Variants in ARMC2 observed in about 807,000 individuals in gnomAD.
ARMC2 encodes the protein armadillo repeat-containing protein 2.
In ARMC2, 67 loss-of-function variants were observed where a neutral mutation model predicts 90.3. The observed-to-expected ratio is 0.74, with a 90% confidence interval of 0.61 to 0.91. ARMC2 has a LOEUF of 0.91. ARMC2 is among the 40% of genes least tolerant of loss of function. The pLI, the probability that ARMC2 is intolerant of heterozygous loss-of-function variation, is 0.00. For synonymous variants in ARMC2, 393 were observed against 393.0 expected (o/e 1.00, Z 0.00); for missense variants, 920 against 1,030.9 (o/e 0.89, Z 1.47).
At chr6:109,019,725 TAAC>T in the ARMC2 span, among the ~76,000 whole-genome samples, 1 of 152,240 alleles carries the variant, frequency 6.6e-6, no homozygotes, top group Non-Finnish European at 1.5e-5. Context: ...TTGTTCTTAT[TAAC>T]AAAGATATTA....
chr6:108,889,512 C>T (rs113738308), intron 5 of ARMC2, among the ~76,000 whole-genome samples: 17 of 151,852 alleles, frequency 1.1e-4, no homozygotes, highest in African/African-American at 4.1e-4. Context: ...ACAATCACAG[C>T]TCACTGCAGC....
chr6:108,884,630 G>A (rs1427470254), intron 5 of ARMC2, among the ~76,000 whole-genome samples: 1 of 152,164 alleles, frequency 6.6e-6, no homozygotes, highest in African/African-American at 2.4e-5. Flanking sequence ...AGTGGCAGGA[G>A]GCATCCTGAG....
chr6:109,049,773 AT>A, the ARMC2 span, among the ~76,000 whole-genome samples: 1 of 151,114 alleles, frequency 6.6e-6, no homozygotes, highest in South Asian at 2.1e-4. Context: ...ATATATTTAT[AT>A]GTATTTTTTA....
chr6:108,982,812 CTTTT>C, the ARMC2 span, among the ~76,000 whole-genome samples: 3 of 127,244 alleles, frequency 2.4e-5, no homozygotes, highest in Admixed American at 1.6e-4. Flanking sequence ...TTGGACTTTT[CTTTT>C]TTTTTTTTTT....
At chr6:108,864,434 A>G (rs1775598780) in intron 3 of ARMC2, among the ~76,000 whole-genome samples, 1 of 151,944 alleles carries the variant, frequency 6.6e-6, no homozygotes, top group Non-Finnish European at 1.5e-5. Context: ...TTTTTAGTAG[A>G]GACGGGGTTT....
intron 5 of ARMC2, among the ~76,000 whole-genome samples, chr6:108,888,696 G>A (rs1456537245): frequency 6.6e-6 from 1 of 152,128 alleles, no homozygotes; most frequent in Non-Finnish European, 1.5e-5. Context: ...CTCTATGGCT[G>A]TGTGGAAACC....
the ARMC2 span, among the ~76,000 whole-genome samples, chr6:109,013,707 A>G: frequency 6.6e-6 from 1 of 152,270 alleles, no homozygotes; most frequent in Non-Finnish European, 1.5e-5. Context: ...GGTTTTAGCC[A>G]TTAAACCAAA....
chr6:108,888,671 ACT>A (rs893897761), intron 5 of ARMC2, among the ~76,000 whole-genome samples: 3 of 152,116 alleles, frequency 2.0e-5, no homozygotes, highest in African/African-American at 7.2e-5. Context: ...ATTCAGTCTT[ACT>A]GTGGGACTTC....
the ARMC2 span, chr6:108,992,955 T>C: frequency 1.7e-6 from 2 of 1,175,244 alleles, no homozygotes; most frequent in African/African-American, 3.0e-5. Context: ...TTAAAATTGA[T>C]TTTACCCAAA....
At chr6:108,976,006 C>A (rs1410554545), downstream of ARMC2, among the ~76,000 whole-genome samples, 1 of 152,086 alleles carries the variant, frequency 6.6e-6, no homozygotes. Context: ...TTTAGTTTAA[C>A]TAGATCCCAC....
chr6:108,981,506 C>A, the ARMC2 span, among the ~76,000 whole-genome samples: 1 of 152,140 alleles, frequency 6.6e-6, no homozygotes, highest in Admixed American at 6.5e-5. Flanking sequence ...AACCATCATT[C>A]TATTAATACT....
intron 10 of ARMC2, among the ~76,000 whole-genome samples, chr6:108,923,338 C>A (rs1774774162): frequency 3.9e-5 from 6 of 151,984 alleles, no homozygotes; most frequent in Admixed American, 3.3e-4. Flanking sequence ...CACCTCCAAG[C>A]ATGAAGCTTG....
chr6:109,052,815 A>C, the ARMC2 span, among the ~76,000 whole-genome samples: 15 of 151,840 alleles, frequency 9.9e-5, no homozygotes, highest in Non-Finnish European at 1.5e-4. Flanking sequence ...TAGTTCATTC[A>C]TTTGTCCCTA....
At chr6:108,894,723 C>T (rs1162389542) in intron 6 of ARMC2, among the ~76,000 whole-genome samples, 180 bp downstream of exon 6, 2 of 151,786 alleles carry the variant, frequency 1.3e-5, no homozygotes, top group Non-Finnish European at 2.9e-5. Flanking sequence ...CTTACCACTA[C>T]CCAACTCTGA....
At position 108,892,320 on chromosome 6, in the gene ARMC2, C is replaced by T. The variant is rs534671279; in HGVS notation, c.672-2147C>T. Among the ~76,000 whole-genome samples the T allele has an allele frequency of 5.6e-4, 85 of 152,180 alleles. 2 individuals carry two copies. The highest frequency in any genetic ancestry group is 1.8e-3 in the African/African-American group (76 of 41,500). ...AGGTCCCTGTCCCCGTAGCCATTTT[C>T]GATTGGCTAGTGACATTTGCTATCG... On this transcript the variant is annotated intron_variant, in intron 5 of 17. Transcript: ENST00000392644.
chr6:108,992,978 G>T, the ARMC2 span: 2 of 865,642 alleles, frequency 2.3e-6, no homozygotes, highest in Non-Finnish European at 3.8e-6. Flanking sequence ...AGTAAAAATG[G>T]CATAACTCTT....
chr6:109,025,098 G>T, the ARMC2 span, among the ~76,000 whole-genome samples: 1 of 152,050 alleles, frequency 6.6e-6, no homozygotes. Flanking sequence ...TTGGGAGGTA[G>T]ATCAGAGACC....
At chr6:108,899,816 A>G in intron 7 of ARMC2, 24 bp downstream of exon 7, 1 of 1,574,286 alleles carries the variant, frequency 6.4e-7, no homozygotes, top group African/African-American at 1.4e-5. Flanking sequence ...AAACAAACAA[A>G]AAACCGTTTT....
the ARMC2 span, chr6:108,990,932 T>G: frequency 1.7e-5 from 19 of 1,087,880 alleles, no homozygotes; most frequent in African/African-American, 3.0e-4. Flanking sequence ...GTCATTTGGC[T>G]GACAATCCAA....
Sources: gnomAD v4.1 joint callset for allele counts (sites outside exome capture counted in the v4.1 genomes callset) on GRCh38, gnomAD v4.1.1 for gene constraint, MANE v1.5 for transcripts, NCBI Gene and HGNC (gene_info 2026-07-23, HGNC 2026-07-21) for gene names.